Variants in ADAM9 observed in about 807,000 individuals in gnomAD.
ADAM9 encodes the protein disintegrin and metalloproteinase domain-containing protein 9.
ADAM9 carries 54 observed loss-of-function variants against 108.1 expected under a neutral mutation model. That is an observed-to-expected ratio of 0.50 (90% CI 0.40 to 0.63). The LOEUF is 0.63. Among genes scored for constraint, ADAM9 ranks in the 20% least tolerant of loss-of-function variants. The probability of loss-of-function intolerance (pLI) is 0.00; values close to 1 mark genes in which losing one functional copy is unlikely to be tolerated. For synonymous variants in ADAM9, 316 were observed against 336.0 expected, an observed-to-expected ratio of 0.94 and a Z score of 0.65; for missense variants, 830 against 997.7, an observed-to-expected ratio of 0.83 and a Z score of 2.26.
At chr8:39,010,511 C>T (rs756352979) in intron 2 of ADAM9, among the ~76,000 whole-genome samples, 9 of 152,258 alleles carry the variant, frequency 5.9e-5, no homozygotes, top group Non-Finnish European at 1.2e-4. Flanking sequence ...AGTCTGGAAA[C>T]GGAAGGGAAT....
At chr8:39,037,224 ATT>A (rs1291956374) in intron 11 of ADAM9, among the ~76,000 whole-genome samples, 2 of 143,414 alleles carry the variant, frequency 1.4e-5, no homozygotes. Context: ...CGCCCGGCTA[ATT>A]TTTTTTTTTT....
intron 14 of ADAM9, among the ~76,000 whole-genome samples, chr8:39,069,421 A>T (rs1838604412): frequency 6.6e-6 from 1 of 152,224 alleles, no homozygotes; most frequent in South Asian, 2.1e-4. Context: ...GAGAATAAGG[A>T]TTTAAAAGTC....
At chr8:39,016,615 GTTA>G (rs920061955) in intron 5 of ADAM9, among the ~76,000 whole-genome samples, 2 of 152,172 alleles carry the variant, frequency 1.3e-5, no homozygotes, top group African/African-American at 4.8e-5. Context: ...TTCAAATTAA[GTTA>G]TTATAGTATT....
At chr8:39,026,293 C>T (rs1836919484) in intron 10 of ADAM9, among the ~76,000 whole-genome samples, 1 of 152,170 alleles carries the variant, frequency 6.6e-6, no homozygotes, top group Non-Finnish European at 1.5e-5. Flanking sequence ...TGTGATGTTC[C>T]CCTCCCTGTG....
chr8:39,014,089 A>G lies in ADAM9; in HGVS notation c.333+46A>G, dbSNP rs763954582. On this transcript the variant is annotated intron_variant, in intron 4 of 21. Transcript: ENST00000487273. ...TCCCATAGCAAATTTTAAAACAATTATAATTTAAAAATGAGTTCTGTATAG... is the reference window on the plus strand; with the variant it reads ...TCCCATAGCAAATTTTAAAACAATTGTAATTTAAAAATGAGTTCTGTATAG... 5.9e-6 allele frequency: 9 copies of G among 1,529,094 alleles called. No individual in the cohort carries two copies. In the East Asian group the frequency reaches 1.4e-4, roughly 23 times the overall value. The allele number at this position is 1,529,094 out of a possible 1,614,324, so 94.7% of individuals were successfully genotyped here. A position where few individuals can be genotyped will look rare whatever the true frequency, so the allele number is the denominator to read the frequency against.
chr8:39,071,492 G>A lies in ADAM9; in HGVS notation c.1697+89G>A, dbSNP rs1049988208. ...TTTTTTTTTTTTTTTTTTTGAGACGGAGTCTTGCTCTGTTGCCAGGCTGGA... is the reference window on the plus strand; with the variant it reads ...TTTTTTTTTTTTTTTTTTTGAGACGAAGTCTTGCTCTGTTGCCAGGCTGGA... On this transcript the variant is annotated intron_variant, in intron 15 of 21. Transcript: ENST00000487273. The A allele has an allele frequency of 4.3e-6, 5 of 1,157,152 alleles. No individual in the cohort carries two copies. The African/African-American group carries it at 8.5e-5, about 20-fold the overall frequency. The allele number at this position is 1,157,152 out of a possible 1,614,324, so 71.7% of individuals were successfully genotyped here.
At chr8:39,020,583 A>G (rs1564250907) in intron 7 of ADAM9, among the ~76,000 whole-genome samples, 1 of 152,206 alleles carries the variant, frequency 6.6e-6, no homozygotes, top group African/African-American at 2.4e-5. Context: ...AAAATTAGTC[A>G]TATTTATTTG....
chr8:39,006,115 C>T (rs958384937), intron 1 of ADAM9, among the ~76,000 whole-genome samples: 3 of 152,148 alleles, frequency 2.0e-5, no homozygotes, highest in Non-Finnish European at 4.4e-5. Flanking sequence ...GGTATGTGGC[C>T]AGTTTTCTCA....
chr8:39,092,514 A>G (rs1023165525), intron 20 of ADAM9, among the ~76,000 whole-genome samples: 2 of 151,838 alleles, frequency 1.3e-5, no homozygotes, highest in Non-Finnish European at 2.9e-5. Flanking sequence ...TTATCTGTAT[A>G]CTCTTCTTCA....
intron 12 of ADAM9, among the ~76,000 whole-genome samples, chr8:39,052,941 A>G (rs1483538328): frequency 1.3e-5 from 2 of 152,100 alleles, no homozygotes; most frequent in Non-Finnish European, 2.9e-5. Flanking sequence ...TCCATTTTTC[A>G]TTTCCATCCT....
chr8:39,045,584 AT>A lies in ADAM9; in HGVS notation c.1302+3468del, dbSNP rs1441406282. Among the ~76,000 whole-genome samples, 19 of 151,220 alleles carry A rather than the reference AT, an allele frequency of 1.3e-4. No homozygotes were observed. The East Asian group carries it at 3.3e-3, about 26-fold the overall frequency. On this transcript the variant is annotated intron_variant, in intron 12 of 21. Coordinates refer to ENST00000487273, the MANE Select transcript of ADAM9 (RefSeq NM_003816.3). ...TGTGTGTGTGTGTATATATATATATATATAAAAGATTTTTCTCATCCAGTCG... is the reference window on the plus strand; with the variant it reads ...TGTGTGTGTGTGTATATATATATATAATAAAAGATTTTTCTCATCCAGTCG...
At chr8:39,000,635 A>G (rs966215161) in intron 1 of ADAM9, among the ~76,000 whole-genome samples, 2 of 149,660 alleles carry the variant, frequency 1.3e-5, no homozygotes, top group African/African-American at 4.9e-5. Flanking sequence ...CTAATTAAAA[A>G]CTTTTTTTGT....
chr8:39,020,310 A>G (rs1212390617), intron 7 of ADAM9, among the ~76,000 whole-genome samples: 1 of 152,136 alleles, frequency 6.6e-6, no homozygotes, highest in African/African-American at 2.4e-5. Flanking sequence ...CTGTCTCCAG[A>G]TGTATTTGTT....
chr8:38,997,217 C>G (rs913539046), intron 1 of ADAM9, 57 bp downstream of exon 1: 8 of 1,532,938 alleles, frequency 5.2e-6, no homozygotes, highest in African/African-American at 1.4e-5. Flanking sequence ...ACGGGGCGCT[C>G]GGAGTGAACC....
At chr8:39,010,727 T>C (rs1237866052) in intron 2 of ADAM9, among the ~76,000 whole-genome samples, 1 of 152,178 alleles carries the variant, frequency 6.6e-6, no homozygotes, top group Non-Finnish European at 1.5e-5. Flanking sequence ...GATGTGTATA[T>C]ATGTTACTTT....
In ADAM9 at chr8:39,075,064, G is replaced by T. The variant is rs534797354; in HGVS notation, c.1698-2164G>T. ...TAGGACTACAGGTGTGCACCATCAT[G>T]CCTGGCTAAGTTTTGTATTTTTAGT... On this transcript the variant is annotated intron_variant, in intron 15 of 21. Transcript: ENST00000487273. Among the ~76,000 whole-genome samples the T allele has an allele frequency of 2.6e-5, 4 of 151,976 alleles. No homozygotes were observed. In the South Asian group the frequency reaches 8.3e-4, roughly 32 times the overall value.
intron 20 of ADAM9, among the ~76,000 whole-genome samples, chr8:39,097,558 G>T (rs889700975): frequency 6.6e-6 from 1 of 151,994 alleles, no homozygotes; most frequent in South Asian, 2.1e-4. Context: ...CGCCCGCCCT[G>T]GCCTCCCAAA....
chr8:39,018,784 T>G (rs999215783), intron 6 of ADAM9, 69 bp from the exon 7 acceptor site: 51 of 1,300,388 alleles, frequency 3.9e-5, no homozygotes, highest in Non-Finnish European at 5.5e-5. Context: ...AAATAAGTGA[T>G]GAGAGATTAG....
At chr8:39,080,840 A>G (rs566061865) in intron 16 of ADAM9, among the ~76,000 whole-genome samples, 27 of 151,742 alleles carry the variant, frequency 1.8e-4, no homozygotes, top group African/African-American at 6.1e-4. Context: ...GAAGTCCTAT[A>G]GTCAAGTTTG....
Sources: allele counts gnomAD v4.1 joint callset (sites outside exome capture counted in the v4.1 genomes callset), GRCh38; gene constraint gnomAD v4.1.1; transcripts MANE v1.5; gene names NCBI Gene and HGNC (gene_info 2026-07-23, HGNC 2026-07-21).